Variants in MTMR4 observed in about 807,000 individuals in gnomAD.
The protein encoded by MTMR4 is phosphatidylinositol-3,5-bisphosphate 3-phosphatase MTMR4.
Under a neutral mutation model 125.5 loss-of-function variants are expected in MTMR4, and 30 were observed. The ratio of observed to expected loss-of-function variants is 0.24; its 90% confidence interval spans 0.18 to 0.32. The LOEUF is 0.32. Ranked by LOEUF, MTMR4 falls within the 10% of genes least tolerant of loss-of-function variation. The probability of loss-of-function intolerance (pLI) is 1.00; values close to 1 mark genes in which losing one functional copy is unlikely to be tolerated. For synonymous variants in MTMR4, 498 were observed against 564.5 expected (o/e 0.88, Z 1.67); for missense variants, 1,039 against 1,511.5 (o/e 0.69, Z 5.18).
chr17:58,506,595 T>TCATAGC, intron 9 of MTMR4, 148 bp downstream of exon 9: 1 of 968,466 alleles, frequency 1.0e-6, no homozygotes, highest in East Asian at 2.7e-5. Flanking sequence ...TTCAGCATAG[T>TCATAGC]CATAGCCATA....
Position 58,495,521 on chromosome 17 carries a change from A to C in MTMR4, c.2663T>G (p.Leu888Ter), listed in dbSNP as rs764980617. 1 of 1,614,198 alleles carries C rather than the reference A, an allele frequency of 6.2e-7. No homozygotes were observed. The highest frequency in any genetic ancestry group is 1.1e-5 in the South Asian group (1 of 91,080). Reference sequence around the variant, plus strand: ...TTTCCCAAAGCGAGGATTTTCCAATAACTGCCCATTCCTATTATTTCCTCT... The same window carrying C: ...TTTCCCAAAGCGAGGATTTTCCAATCACTGCCCATTCCTATTATTTCCTCT... ...GKRGNNRNGQ[L>*]LENPRFGKMP... Residue 888 changes from leucine to a stop codon, truncating the protein, a stop_gained, in exon 15 of 18, where the codon TTA (leucine) becomes TGA (stop). Transcript: ENST00000682306. LOFTEE classifies it high-confidence loss of function.
chr17:58,515,527 C>G, upstream of MTMR4, among the ~76,000 whole-genome samples: 1 of 152,196 alleles, frequency 6.6e-6, no homozygotes, highest in East Asian at 1.9e-4. Flanking sequence ...CTCAGTAAAA[C>G]TTTTCAAGCC....
At chr17:58,517,455 C>G (rs1183403849), upstream of MTMR4, among the ~76,000 whole-genome samples, 1 of 152,394 alleles carries the variant, frequency 6.6e-6, no homozygotes, top group South Asian at 2.1e-4. Context: ...TCCCTGTTCA[C>G]AGTATCCTCT....
At chr17:58,505,671 G>C (rs551549248) in intron 9 of MTMR4, 88 bp from the exon 10 acceptor site, 80 of 823,158 alleles carry the variant, frequency 9.7e-5, no homozygotes, top group African/African-American at 8.1e-4. Flanking sequence ...ACTTTGGGAG[G>C]CTGAAGCGGT....
Position 58,512,941 on chromosome 17 carries a change from C to A in MTMR4, c.46G>T (p.Gly16Cys), listed in dbSNP as rs1194154445. Residue 16 changes from glycine to cysteine, a missense_variant and splice_region_variant, in exon 2 of 18, where the codon GGT (glycine) becomes TGT (cysteine). Gly to Cys is a radical substitution (Grantham distance 159). Around this residue, in one of 6 missense-constraint regions of MTMR4, gnomAD observed 202 missense variants for 311.9 expected, o/e 0.65. Coordinates refer to ENST00000682306, the MANE Select transcript of MTMR4 (RefSeq NM_001378067.1). The surrounding 1 kb of genome is among the most constrained non-coding windows in gnomAD (Gnocchi z 4.1). ...TCCAGGCTGGGGGGCCCCTCCTCAC[C>A]CTGTAGGAAGGCCACAGTCCTAAGT... ...RVSCSMLSCF[G>C]EEGPPSLEYI... The A allele has an allele frequency of 6.2e-7, 1 of 1,611,000 alleles. No homozygotes were observed. Among genetic ancestry groups the A allele is most frequent in the Non-Finnish European group, 8.5e-7 (1 of 1,178,534 alleles).
In MTMR4 at chr17:58,512,709, G is replaced by A; in HGVS notation, c.135+143C>T. On this transcript the variant is annotated intron_variant, in intron 2 of 17. Coordinates refer to ENST00000682306, the MANE Select transcript of MTMR4 (RefSeq NM_001378067.1). The surrounding 1 kb of genome is among the most constrained non-coding windows in gnomAD (Gnocchi z 4.1). ...GCGGCCAAAGGCTCCAGGATGCGCA[G>A]ACAAACCCTCCTCCTCCAGAGACCA... 1 of 820,832 alleles carries A rather than the reference G, an allele frequency of 1.2e-6. No individual in the cohort carries two copies. Among genetic ancestry groups the A allele is most frequent in the South Asian group, 1.7e-5 (1 of 60,586 alleles). 50.8% of individuals were successfully genotyped at this position (820,832 alleles called of 1,614,324 possible).
At chr17:58,503,020 C>T (rs1021293049) in intron 14 of MTMR4, among the ~76,000 whole-genome samples, 1 of 152,158 alleles carries the variant, frequency 6.6e-6, no homozygotes, top group Non-Finnish European at 1.5e-5. Flanking sequence ...TAAGGCCATC[C>T]TCCTGCTGGG....
At chr17:58,515,186 C>T (rs145515162), upstream of MTMR4, 2,132 of 385,118 alleles carry the variant, frequency 5.5e-3, 15 homozygotes, top group African/African-American at 9.0e-3. Context: ...GGTAAGAAAG[C>T]CCTTCTTGGA....
upstream of MTMR4, among the ~76,000 whole-genome samples, chr17:58,515,329 A>T (rs1976059579): frequency 6.6e-6 from 1 of 152,182 alleles, no homozygotes; most frequent in Non-Finnish European, 1.5e-5. Flanking sequence ...AGGAATAAGG[A>T]CCAGGAATAA....
At chr17:58,493,546 G>T (rs1235950737) in intron 15 of MTMR4, among the ~76,000 whole-genome samples, 1 of 152,140 alleles carries the variant, frequency 6.6e-6, no homozygotes, top group African/African-American at 2.4e-5. Context: ...TAGAGATGGG[G>T]TTTCACCATG....
chr17:58,515,154 T>G (rs1240724345), upstream of MTMR4: 1 of 606,186 alleles, frequency 1.6e-6, no homozygotes. Flanking sequence ...CATCTCTCCC[T>G]TGTTTCACAT....
chr17:58,495,600 C>T lies in MTMR4; in HGVS notation c.2584G>A (p.Glu862Lys), dbSNP rs756600511. ...AGATCCGGCACAGAACTCAGTTGTT[C>T]CTGGTGGGAGATACTTGCCACAGAC... ...SGSVASISHQ[E>K]QLSSVPDLTH... The change falls in exon 15 of 18, where the codon GAA becomes AAA. Residue 862 changes from glutamate to lysine, a missense_variant. Coordinates refer to ENST00000682306, the MANE Select transcript of MTMR4 (RefSeq NM_001378067.1). 4.3e-6 allele frequency: 7 copies of T among 1,614,176 alleles called. No homozygotes were observed. The highest frequency in any genetic ancestry group is 3.3e-5 in the South Asian group (3 of 91,078).
intron 8 of MTMR4, 48 bp downstream of exon 8, chr17:58,507,075 C>T: frequency 6.2e-7 from 1 of 1,609,838 alleles, no homozygotes. Flanking sequence ...CCAATGAAGC[C>T]AAGGAGGGGG....
intron 3 of MTMR4, among the ~76,000 whole-genome samples, chr17:58,511,855 G>C (rs1975939820): frequency 1.3e-5 from 2 of 152,168 alleles, no homozygotes; most frequent in Non-Finnish European, 2.9e-5. Context: ...ATGCCACTGT[G>C]CTCCTTAGAA....
At chr17:58,515,219 G>A (rs1426025553), upstream of MTMR4, 1 of 257,508 alleles carries the variant, frequency 3.9e-6, no homozygotes, top group African/African-American at 2.3e-5. Context: ...TCTTAGTCTG[G>A]GAAAGTGAAG....
rs146948382 is a variant in MTMR4 at position 58,508,061 on chromosome 17, G to A, written c.707+100C>T. On this transcript the variant is annotated intron_variant, in intron 7 of 17. Coordinates refer to ENST00000682306, the MANE Select transcript of MTMR4 (RefSeq NM_001378067.1). The surrounding 1 kb of genome is among the most constrained non-coding windows in gnomAD (Gnocchi z 4.8). ...GTTATTTCATACTTCCCCATAGAGTGTCAATTCTCAGTCAACCAGGTTACC... is the reference window on the plus strand; with the variant it reads ...GTTATTTCATACTTCCCCATAGAGTATCAATTCTCAGTCAACCAGGTTACC... The A allele has an allele frequency of 1.3e-4, 102 of 809,172 alleles. No individual in the cohort carries two copies. The African/African-American group carries it at 1.5e-3, about 12-fold the overall frequency. The allele number at this position is 809,172 out of a possible 1,614,324, so 50.1% of individuals were successfully genotyped here.
At position 58,496,346 on chromosome 17, in the gene MTMR4, T is replaced by C. The variant is rs1225638023; in HGVS notation, c.1854-16A>G. 1.9e-6 allele frequency: 3 copies of C among 1,584,522 alleles called. No individual in the cohort carries two copies. Among genetic ancestry groups the C allele is most frequent in the African/African-American group, 2.7e-5 (2 of 73,920 alleles). On this transcript the variant is annotated splice_polypyrimidine_tract_variant and intron_variant, in intron 14 of 17. Transcript: ENST00000682306. The stretch of plus-strand genomic sequence containing the variant: ...TTTAGGTAATCTGGAAAGACAAATA[T>C]AACACCTCCAGGTCAGGAGATGGGC...
In MTMR4 at chr17:58,498,528, C is replaced by T. The variant is rs1024765656; in HGVS notation, c.1854-2198G>A. ...GGAGGAGGAGAAGGAGAAGGAGAAGCGGGGGAGGAGGGGGGAGGAGGGGGG... is the reference window on the plus strand; with the variant it reads ...GGAGGAGGAGAAGGAGAAGGAGAAGTGGGGGAGGAGGGGGGAGGAGGGGGG... On this transcript the variant is annotated intron_variant, in intron 14 of 17. Transcript: ENST00000682306. 3.0e-4 allele frequency among the ~76,000 whole-genome samples: 17 copies of T among 55,916 alleles called. No individual in the cohort carries two copies. The East Asian group carries it at 4.9e-3, about 16-fold the overall frequency. 36.7% of individuals were successfully genotyped at this position (55,916 alleles called of 152,430 possible). A position where few individuals can be genotyped will look rare whatever the true frequency, so the allele number is the denominator to read the frequency against.
At position 58,501,064 on chromosome 17, in the gene MTMR4, GA is replaced by G. The variant is rs879595395; in HGVS notation, c.1853+2679del. ...CCAAATTCTGCATAGTTTGGGGAAGGAAAAAAAAAATCACTGAAATCCTGAA... is the reference window on the plus strand; with the variant it reads ...CCAAATTCTGCATAGTTTGGGGAAGGAAAAAAAAATCACTGAAATCCTGAA... On this transcript the variant is annotated intron_variant, in intron 14 of 17. Transcript: ENST00000682306. Among the ~76,000 whole-genome samples, 9 of 149,020 alleles carry G rather than the reference GA, an allele frequency of 6.0e-5. No individual in the cohort carries two copies. In the East Asian group the frequency reaches 9.8e-4, roughly 16 times the overall value.
Sources: gnomAD v4.1 joint callset for allele counts (sites outside exome capture counted in the v4.1 genomes callset) on GRCh38, gnomAD v4.1.1 for gene constraint, gnomAD v4.1.1 regional missense constraint, Gnocchi (gnomAD v3.1) non-coding constraint, MANE v1.5 for transcripts, NCBI Gene and HGNC (gene_info 2026-07-23, HGNC 2026-07-21) for gene names.